PRKN: variants seen among roughly 807,000 people sequenced by gnomAD.
The protein encoded by PRKN is parkin RBR E3 ubiquitin protein ligase, also known as E3 ubiquitin-protein ligase parkin.
Under a neutral mutation model 59.5 loss-of-function variants are expected in PRKN, and 56 were observed. The ratio of observed to expected loss-of-function variants is 0.94; its 90% confidence interval spans 0.76 to 1.18. PRKN has a LOEUF of 1.18. PRKN is among the 50% of genes most tolerant of loss of function. PRKN has a pLI of 0.00. For missense variants in PRKN, 657 were observed against 596.4 expected (o/e 1.10, Z -1.06); for synonymous variants, 250 against 222.1 (o/e 1.13, Z -1.12).
At chr6:161,598,955 A>G (rs1562551057) in intron 7 of PRKN, among the ~76,000 whole-genome samples, 1 of 152,150 alleles carries the variant, frequency 6.6e-6, no homozygotes, top group Non-Finnish European at 1.5e-5. Context: ...ATACAATATA[A>G]CTCTTGTCCT....
intron 1 of PRKN, among the ~76,000 whole-genome samples, chr6:162,579,686 CACAT>C (rs202116856): frequency 0.021 from 3,209 of 150,478 alleles, 109 homozygotes; most frequent in African/African-American, 0.072. Flanking sequence ...GATTCACACA[CACAT>C]ACATAAACAC....
intron 2 of PRKN, among the ~76,000 whole-genome samples, chr6:162,269,245 G>A (rs1170378644): frequency 1.3e-5 from 2 of 152,106 alleles, no homozygotes; most frequent in African/African-American, 2.4e-5. Flanking sequence ...AGACAATACC[G>A]TCTTTAAGAA....
chr6:161,860,469 G>T lies in PRKN; in HGVS notation c.735-74561C>A, dbSNP rs2186802. Among the ~76,000 whole-genome samples the T allele has an allele frequency of 9.1e-3, 1,380 of 151,814 alleles. 8 individuals carry two copies. The highest frequency in any genetic ancestry group is 0.014 in the Non-Finnish European group (924 of 67,902). The stretch of plus-strand genomic sequence containing the variant: ...CAACATCAGATTTTACAATATTTGC[G>T]ATCTCGCACTCACTTTTTCTAAAAC... On this transcript the variant is annotated intron_variant, in intron 6 of 11. Coordinates refer to ENST00000366898, the MANE Select transcript of PRKN (RefSeq NM_004562.3).
rs186244062 is a variant in PRKN at position 162,136,500 on chromosome 6, T to G, written c.534+64631A>C. On this transcript the variant is annotated intron_variant, in intron 4 of 11. Coordinates refer to ENST00000366898, the MANE Select transcript of PRKN (RefSeq NM_004562.3). ...TATGTGTTGGCTTCCAAGCCATCAGTTATGGGTTTAAATTTGGAATCTAGA... is the reference window on the plus strand; with the variant it reads ...TATGTGTTGGCTTCCAAGCCATCAGGTATGGGTTTAAATTTGGAATCTAGA... Among the ~76,000 whole-genome samples, 207 of 152,300 alleles carry G rather than the reference T, an allele frequency of 1.4e-3. 1 individual carries two copies. Among genetic ancestry groups the G allele is most frequent in the African/African-American group, 4.6e-3 (190 of 41,558 alleles).
intron 1 of PRKN, among the ~76,000 whole-genome samples, chr6:162,636,925 A>C (rs1777735250): frequency 6.6e-6 from 1 of 151,978 alleles, no homozygotes; most frequent in South Asian, 2.1e-4. Flanking sequence ...GTGCCACTGC[A>C]CATCAGCCTG....
chr6:162,622,144 T>A (rs1782694111), intron 1 of PRKN, among the ~76,000 whole-genome samples: 1 of 152,078 alleles, frequency 6.6e-6, no homozygotes, highest in Non-Finnish European at 1.5e-5. Context: ...GAAAAAAACA[T>A]GTTTAGGCAT....
In PRKN at chr6:161,773,559, A is replaced by C. The variant is rs1458533420; in HGVS notation, c.871+12213T>G. On this transcript the variant is annotated intron_variant, in intron 7 of 11. Transcript: ENST00000366898. ...CACACTAAAAAGAAGAAGAAATCCTAAAGACAGCTGTTTTGAGCAACTTTT... is the reference window on the plus strand; with the variant it reads ...CACACTAAAAAGAAGAAGAAATCCTCAAGACAGCTGTTTTGAGCAACTTTT... Among the ~76,000 whole-genome samples, 2 of 152,094 alleles carry C rather than the reference A, an allele frequency of 1.3e-5. 1 individual carries two copies. The highest frequency in any genetic ancestry group is 4.1e-4 in the South Asian group (2 of 4,822).
At chr6:162,543,253 A>T (rs1390723117) in intron 1 of PRKN, among the ~76,000 whole-genome samples, 1 of 152,112 alleles carries the variant, frequency 6.6e-6, no homozygotes, top group Admixed American at 6.6e-5. Flanking sequence ...CAAGAATATG[A>T]TTGGACTATT....
intron 7 of PRKN, among the ~76,000 whole-genome samples, chr6:161,659,368 T>TA (rs1421373271): frequency 6.6e-6 from 1 of 152,160 alleles, no homozygotes; most frequent in Non-Finnish European, 1.5e-5. Flanking sequence ...TAGATGACAC[T>TA]AAAAATGCAT....
rs1334395401 is a variant in PRKN, at chr6:161,353,460, G to A, written c.1286-3249C>T. 1.3e-5 allele frequency among the ~76,000 whole-genome samples: 2 copies of A among 152,082 alleles called. No homozygotes were observed. The highest frequency in any genetic ancestry group is 2.9e-5 in the Non-Finnish European group (2 of 68,028). The stretch of plus-strand genomic sequence containing the variant: ...ACACGGCTGTCCATGCTTCCATCGT[G>A]CCTATCCCAGGAAGTCTCCATAGAG... On this transcript the variant is annotated intron_variant, in intron 11 of 11. Coordinates refer to ENST00000366898, the MANE Select transcript of PRKN (RefSeq NM_004562.3). The surrounding 1 kb of genome is among the most constrained non-coding windows in gnomAD (Gnocchi z 4.8).
intron 1 of PRKN, among the ~76,000 whole-genome samples, chr6:162,588,133 C>G (rs1207098498): frequency 6.6e-6 from 1 of 151,526 alleles, no homozygotes; most frequent in Non-Finnish European, 1.5e-5. Flanking sequence ...ACCTCAGCCT[C>G]CCAAGTATCT....
At chr6:161,787,648 T>G (rs1027593107) in intron 6 of PRKN, among the ~76,000 whole-genome samples, 1 of 152,254 alleles carries the variant, frequency 6.6e-6, no homozygotes, top group South Asian at 2.1e-4. Context: ...ATAACAAAGT[T>G]AAAAAGAAAG....
intron 9 of PRKN, among the ~76,000 whole-genome samples, chr6:161,450,830 C>T (rs1789708306): frequency 6.6e-6 from 1 of 152,212 alleles, no homozygotes; most frequent in Non-Finnish European, 1.5e-5. Flanking sequence ...GCTGGGATTA[C>T]AGGCGTGAGC....
In PRKN at chr6:161,350,159, G is replaced by A. The variant is rs748617874; in HGVS notation, c.1338C>T (p.Cys446=). Residue 446 remains cysteine (C), a synonymous_variant, in exon 12 of 12, where the codon TGC becomes TGT. Coordinates refer to ENST00000366898, the MANE Select transcript of PRKN (RefSeq NM_004562.3). ...GGTTCCACTCGCAGCCACAGTTCCA[G>A]CACCACTCGAGCCTGCACTGGGGCT... ...CPQPQCRLEW[C]WNCGCEWNRV... is the part of the protein sequence containing the mutation. The A allele has an allele frequency of 6.8e-6, 11 of 1,613,526 alleles. 1 individual carries two copies. In the South Asian group the frequency reaches 1.2e-4, roughly 18 times the overall value.
intron 3 of PRKN, among the ~76,000 whole-genome samples, chr6:162,207,742 T>A (rs1190475969): frequency 6.6e-6 from 1 of 152,176 alleles, no homozygotes; most frequent in Admixed American, 6.6e-5. Flanking sequence ...TCCAAACTTT[T>A]CTATGGATAC....
chr6:161,867,572 G>T (rs1583270728), intron 6 of PRKN, among the ~76,000 whole-genome samples: 1 of 151,828 alleles, frequency 6.6e-6, no homozygotes, highest in Non-Finnish European at 1.5e-5. Context: ...GATGAAAATA[G>T]AAAAAAGGTG....
chr6:162,630,610 T>C (rs1187686956), intron 1 of PRKN, among the ~76,000 whole-genome samples: 1 of 152,166 alleles, frequency 6.6e-6, no homozygotes, highest in Admixed American at 6.5e-5. Flanking sequence ...CTATCATGAA[T>C]CTTGTATACA....
chr6:161,755,217 A>G (rs1583109862), intron 7 of PRKN, among the ~76,000 whole-genome samples: 1 of 152,136 alleles, frequency 6.6e-6, no homozygotes, highest in African/African-American at 2.4e-5. Flanking sequence ...GGTGCATGAC[A>G]GAAAGCGTTT....
chr6:162,091,082 GT>G (rs1348576882), intron 4 of PRKN, among the ~76,000 whole-genome samples: 1 of 148,262 alleles, frequency 6.7e-6, no homozygotes, highest in Admixed American at 6.8e-5. Flanking sequence ...ATCCCATTTT[GT>G]TACAGATTTA....
Sources: gnomAD v4.1 joint callset for allele counts (sites outside exome capture counted in the v4.1 genomes callset) on GRCh38, gnomAD v4.1.1 for gene constraint, Gnocchi (gnomAD v3.1) non-coding constraint, MANE v1.5 for transcripts, NCBI Gene and HGNC (gene_info 2026-07-23, HGNC 2026-07-21) for gene names.